The following FRMD4A variants were observed in gnomAD, a reference collection of about 807,000 sequenced individuals.
FRMD4A encodes FERM domain-containing protein 4A.
A neutral mutation model predicts 129.1 loss-of-function variants in FRMD4A; 29 were observed. The observed-to-expected ratio is 0.22, with a 90% CI of 0.17 to 0.31. The LOEUF (loss-of-function observed/expected upper bound fraction) is 0.31, where lower values mean the gene tolerates loss of function less well. Ranked by LOEUF, FRMD4A falls within the 10% of genes least tolerant of loss-of-function variation. The pLI, the probability that FRMD4A is intolerant of heterozygous loss-of-function variation, is 1.00. For missense variants in FRMD4A, 1,272 were observed against 1,375.8 expected (o/e 0.92, Z 1.19); for synonymous variants, 634 against 571.6 (o/e 1.11, Z -1.56).
chr10:13,822,266 T>C (rs1195055061), intron 3 of FRMD4A, among the ~76,000 whole-genome samples: 1 of 152,234 alleles, frequency 6.6e-6, no homozygotes, highest in Non-Finnish European at 1.5e-5. Context: ...AAGACATCGT[T>C]ATTAGCTACA....
chr10:13,694,092 G>T (rs2085989479), intron 14 of FRMD4A, 53 bp from the exon 15 acceptor site: 25 of 1,460,308 alleles, frequency 1.7e-5, no homozygotes, highest in Non-Finnish European at 2.2e-5. Context: ...TTGCGGAAAG[G>T]ACAGTCATCC....
At chr10:13,742,342 C>A (rs2091057214) in intron 9 of FRMD4A, among the ~76,000 whole-genome samples, 1 of 152,122 alleles carries the variant, frequency 6.6e-6, no homozygotes, top group African/African-American at 2.4e-5. Flanking sequence ...AGCCCCAACC[C>A]CACCTGCTGA....
chr10:13,710,211 A>G (rs1353746906), intron 12 of FRMD4A, among the ~76,000 whole-genome samples: 1 of 152,148 alleles, frequency 6.6e-6, no homozygotes, highest in African/African-American at 2.4e-5. Context: ...AGGTGTGAGC[A>G]CGCTTGAGAA....
chr10:14,218,286 G>C (rs913536223), intron 2 of FRMD4A, among the ~76,000 whole-genome samples: 1 of 152,314 alleles, frequency 6.6e-6, no homozygotes. Context: ...CACACCAGCA[G>C]AGAAGGTAAC....
intron 3 of FRMD4A, among the ~76,000 whole-genome samples, chr10:13,814,896 G>A (rs1206905833): frequency 1.3e-5 from 2 of 151,998 alleles, no homozygotes; most frequent in Non-Finnish European, 2.9e-5. Context: ...GAAGGGAGAT[G>A]AACCCAGGAA....
At chr10:13,897,530 G>A (rs2610803) in intron 2 of FRMD4A, among the ~76,000 whole-genome samples, 98,383 of 152,026 alleles carry the variant, frequency 0.65, 32,734 homozygotes, top group Non-Finnish European at 0.72. Flanking sequence ...CAGATGACAC[G>A]AGACCCTATG....
chr10:14,028,860 G>A (rs895551814), intron 2 of FRMD4A, among the ~76,000 whole-genome samples: 2 of 152,182 alleles, frequency 1.3e-5, no homozygotes, highest in African/African-American at 4.8e-5. Context: ...GGTTTGAAGA[G>A]TTGACAGCCA....
rs559580259 is a variant in FRMD4A at position 14,210,061 on chromosome 10, G to A, written c.45+119997C>T. On this transcript the variant is annotated intron_variant, in intron 2 of 24. Coordinates refer to ENST00000357447, the MANE Select transcript of FRMD4A (RefSeq NM_018027.5). ...TCATACTTCTGGACTTCAGAAAAGTGAGAGAAGAAATTTCTGTTGTTTGAA... is the reference window on the plus strand; with the variant it reads ...TCATACTTCTGGACTTCAGAAAAGTAAGAGAAGAAATTTCTGTTGTTTGAA... 1.4e-4 allele frequency among the ~76,000 whole-genome samples: 22 copies of A among 152,340 alleles called. No individual in the cohort carries two copies. In the South Asian group the frequency reaches 4.6e-3, roughly 32 times the overall value.
chr10:13,664,560 T>C (rs1261092454), intron 18 of FRMD4A, among the ~76,000 whole-genome samples: 1 of 152,248 alleles, frequency 6.6e-6, no homozygotes, highest in East Asian at 1.9e-4. Context: ...CCAGGAGCTC[T>C]GACTTCGGCA....
intron 16 of FRMD4A, among the ~76,000 whole-genome samples, chr10:13,672,408 G>A (rs2083588567): frequency 1.3e-5 from 2 of 151,472 alleles, no homozygotes; most frequent in Admixed American, 1.3e-4. Context: ...ACTATTGAGG[G>A]TTTTATATTG....
In FRMD4A at chr10:13,850,285, A is replaced by AT. The variant is rs1013809844; in HGVS notation, c.111+8561dup. ...GTTCTAGATTTTTAAAAAGTCATAC[A>AT]TTTTTTTTTCTAGCCCATAATAGCC... On this transcript the variant is annotated intron_variant, in intron 3 of 24. Coordinates refer to ENST00000357447, the MANE Select transcript of FRMD4A (RefSeq NM_018027.5). 9.2e-5 allele frequency among the ~76,000 whole-genome samples: 14 copies of AT among 151,594 alleles called. No individual in the cohort carries two copies. In the East Asian group the frequency reaches 1.2e-3, roughly 13 times the overall value.
At chr10:14,317,756 G>GAAAAA (rs66793271) in intron 2 of FRMD4A, among the ~76,000 whole-genome samples, 6 of 123,338 alleles carry the variant, frequency 4.9e-5, no homozygotes, top group Middle Eastern at 4.1e-3. Context: ...ACAAGAGACG[G>GAAAAA]AAAAAAAAAA....
chr10:14,049,203 C>A (rs1218089116), intron 2 of FRMD4A, among the ~76,000 whole-genome samples: 1 of 151,954 alleles, frequency 6.6e-6, no homozygotes, highest in Admixed American at 6.5e-5. Context: ...TTTCTCATAC[C>A]TTTTTCAGAT....
At chr10:13,805,655 C>A (rs1259348406) in intron 4 of FRMD4A, among the ~76,000 whole-genome samples, 2 of 152,088 alleles carry the variant, frequency 1.3e-5, no homozygotes, top group African/African-American at 4.8e-5. Flanking sequence ...TCCATTCCCA[C>A]CCCACCCCCT....
rs767029940 is a variant in FRMD4A, at chr10:13,750,065, G to A, written c.465-2246C>T. Among the ~76,000 whole-genome samples, 424 of 75,732 alleles carry A rather than the reference G, an allele frequency of 5.6e-3. 5 individuals are homozygous for A. Among genetic ancestry groups the A allele is most frequent in the South Asian group, 0.046 (73 of 1,588 alleles). The allele number at this position is 75,732 out of a possible 152,430, so 49.7% of individuals were successfully genotyped here. ...AAAGGAAAGGAAGGAAGGAAGGAAG[G>A]AAGGAAGAAAGAAAGAAAGAAAGAA... On this transcript the variant is annotated intron_variant, in intron 8 of 24. Transcript: ENST00000357447.
At chr10:13,763,855 C>T (rs1328237084) in intron 6 of FRMD4A, among the ~76,000 whole-genome samples, 2 of 152,114 alleles carry the variant, frequency 1.3e-5, no homozygotes, top group Non-Finnish European at 2.9e-5. Flanking sequence ...CCTGTCTCAG[C>T]CTCCCGAGTA....
chr10:14,138,828 C>A (rs370778390), intron 2 of FRMD4A, among the ~76,000 whole-genome samples: 1 of 151,976 alleles, frequency 6.6e-6, no homozygotes, highest in East Asian at 1.9e-4. Context: ...CTGCTAGCAT[C>A]GGTAATATTC....
intron 2 of FRMD4A, among the ~76,000 whole-genome samples, chr10:13,963,787 G>A (rs1273404286): frequency 6.6e-6 from 1 of 152,194 alleles, no homozygotes; most frequent in Admixed American, 6.5e-5. Context: ...TTCTTATAGA[G>A]TGTGTGAGAA....
In FRMD4A at chr10:14,166,711, C is replaced by A. The variant is rs373014474; in HGVS notation, c.45+163347G>T. Among the ~76,000 whole-genome samples the A allele has an allele frequency of 5.3e-5, 8 of 152,300 alleles. No individual in the cohort carries two copies. In the East Asian group the frequency reaches 9.6e-4, roughly 18 times the overall value. ...CCCAAAGAACAGGATAGGAAAAGGGCAACGAAATGGCCTGCCCATTACTTG... is the reference window on the plus strand; with the variant it reads ...CCCAAAGAACAGGATAGGAAAAGGGAAACGAAATGGCCTGCCCATTACTTG... On this transcript the variant is annotated intron_variant, in intron 2 of 24. Coordinates refer to ENST00000357447, the MANE Select transcript of FRMD4A (RefSeq NM_018027.5).
Sources: gnomAD v4.1 joint callset for allele counts (sites outside exome capture counted in the v4.1 genomes callset) on GRCh38, gnomAD v4.1.1 for gene constraint, MANE v1.5 for transcripts, NCBI Gene and HGNC (gene_info 2026-07-23, HGNC 2026-07-21) for gene names.